Variants in ULK2 observed in about 807,000 individuals in gnomAD.
ULK2 encodes the protein unc-51 like autophagy activating kinase 2.
In ULK2, 76 loss-of-function variants were observed where a neutral mutation model predicts 127.5. That is an observed-to-expected ratio of 0.60 (90% CI 0.50 to 0.72). ULK2 has a LOEUF of 0.72. ULK2 is among the 30% of genes least tolerant of loss of function. The pLI is 0.00. For synonymous variants in ULK2, 452 were observed against 461.9 expected, an observed-to-expected ratio of 0.98 and a Z score of 0.28; for missense variants, 1,144 against 1,295.9, an observed-to-expected ratio of 0.88 and a Z score of 1.80.
rs565123818 is a variant in ULK2 at position 19,784,013 on chromosome 17, G to A, written c.2252-108C>T. 62 of 1,026,868 alleles carry A rather than the reference G, an allele frequency of 6.0e-5. No homozygotes were observed. The South Asian group carries it at 1.1e-3, about 18-fold the overall frequency. 63.6% of individuals were successfully genotyped at this position (1,026,868 alleles called of 1,614,324 possible). ...TGCTGAGGTGACAAAGGAAAGTTTC[G>A]TTAAAAGAAACTCACTGACCCCCTA... is the stretch of plus-strand genomic sequence containing the variant. On this transcript the variant is annotated intron_variant, in intron 21 of 26. Coordinates refer to ENST00000395544, the MANE Select transcript of ULK2 (RefSeq NM_014683.4).
intron 3 of ULK2, among the ~76,000 whole-genome samples, chr17:19,856,367 G>C (rs1467748094): frequency 1.3e-5 from 2 of 151,982 alleles, no homozygotes; most frequent in African/African-American, 4.8e-5. Flanking sequence ...CGGGTCACGA[G>C]GTCAGGAGAT....
At chr17:19,852,801 T>TTTG (rs1169484249) in intron 3 of ULK2, among the ~76,000 whole-genome samples, 15 of 151,308 alleles carry the variant, frequency 9.9e-5, no homozygotes, top group African/African-American at 2.7e-4. Flanking sequence ...TGGCTAGTTT[T>TTTG]TTGTTGTTGT....
At chr17:19,807,813 T>A (rs1359198113) in intron 14 of ULK2, among the ~76,000 whole-genome samples, 1 of 152,150 alleles carries the variant, frequency 6.6e-6, no homozygotes, top group Non-Finnish European at 1.5e-5. Context: ...GCCCCCAAGG[T>A]ACCAGTGCTA....
In ULK2 at chr17:19,796,175, T is replaced by G; in HGVS notation, c.1917A>C (p.Pro639=). Residue 639 remains proline, a synonymous_variant, in exon 19 of 27, where the codon CCA becomes CCC. Transcript: ENST00000395544. The stretch of plus-strand genomic sequence containing the variant: ...CTAAGAGGCAATGGGCACATTCCCG[T>G]GGCTCATTCCCATCTTTCGACTGTT... ...AEEQSKDGNE[P]RECAHCLLVQ... 3 of 1,614,218 alleles carry G rather than the reference T, an allele frequency of 1.9e-6. No individual in the cohort carries two copies. The highest frequency in any genetic ancestry group is 2.5e-6 in the Non-Finnish European group (3 of 1,180,030).
In ULK2 at chr17:19,867,906, C is replaced by CTT. The variant is rs1313952723; in HGVS notation, c.-490_-489insAA. The CTT allele has an allele frequency of 5.3e-5, 8 of 151,174 alleles. No homozygotes were observed. Among genetic ancestry groups the CTT allele is most frequent in the Admixed American group, 4.0e-4 (6 of 15,168 alleles). The allele number at this position is 151,174 out of a possible 1,614,324, so 9.4% of individuals were successfully genotyped here. A position where few individuals can be genotyped will look rare whatever the true frequency, so the allele number is the denominator to read the frequency against. On this transcript the variant is annotated 5_prime_UTR_variant, in exon 1 of 27. Coordinates refer to ENST00000395544, the MANE Select transcript of ULK2 (RefSeq NM_014683.4). ...CCCGCCTCGCGGCGGCGCCCAACGC[C>CTT]CTCGCGCGCGCTACCCGCTCCCGCG...
intron 13 of ULK2, among the ~76,000 whole-genome samples, chr17:19,814,439 T>TATATATATATATATATATA (rs1491246393): frequency 1.0e-4 from 1 of 10,004 alleles, no homozygotes; most frequent in African/African-American, 2.1e-4. Context: ...TATATATATA[T>TATATATATATATATATATA]TTTTTTTTTT....
In ULK2 at chr17:19,797,577, C is replaced by T; in HGVS notation, c.1628G>A (p.Arg543Lys). The T allele has an allele frequency of 1.9e-6, 3 of 1,613,826 alleles. No homozygotes were observed. The highest frequency in any genetic ancestry group is 2.7e-5 in the African/African-American group (2 of 74,954). The part of the protein sequence containing the change: ...TDIYQNKQKL[R>K]KQHSDPVCPS... ...GCACACGGGGTCAGAGTGCTGTTTT[C>T]TGAGCTTCTGCTTGTTCTGATAGAT... The change falls in exon 18 of 27, where the codon AGA becomes AAA. Residue 543 changes from arginine to lysine, a missense_variant. Coordinates refer to ENST00000395544, the MANE Select transcript of ULK2 (RefSeq NM_014683.4).
At chr17:19,830,954 G>C (rs1292438392) in intron 10 of ULK2, among the ~76,000 whole-genome samples, 1 of 150,000 alleles carries the variant, frequency 6.7e-6, no homozygotes, top group African/African-American at 2.5e-5. Context: ...TTGAACCCCG[G>C]AAGTGGAGGT....
intron 10 of ULK2, among the ~76,000 whole-genome samples, chr17:19,828,455 TTG>T (rs2059028852): frequency 6.6e-6 from 1 of 152,180 alleles, no homozygotes; most frequent in Admixed American, 6.5e-5. Context: ...AAGATATAAT[TTG>T]TGATATCAAC....
intron 3 of ULK2, chr17:19,856,314 G>A (rs1216083573): frequency 1.3e-5 from 2 of 152,304 alleles, no homozygotes; most frequent in Non-Finnish European, 2.9e-5. Context: ...CGGGCGCGGT[G>A]GCTCACGCCT....
chr17:19,851,422 G>C (rs566830828), intron 3 of ULK2, among the ~76,000 whole-genome samples: 102 of 150,942 alleles, frequency 6.8e-4, no homozygotes, highest in African/African-American at 2.3e-3. Context: ...CAGATCACCT[G>C]AGGTCTGGAG....
At chr17:19,849,542 T>C (rs1463694477) in intron 4 of ULK2, 137 bp from the exon 5 acceptor site, 1 of 1,001,098 alleles carries the variant, frequency 1.0e-6, no homozygotes, top group African/African-American at 1.7e-5. Context: ...AGATTCAAAA[T>C]TTTTTAAATT....
chr17:19,840,346 C>A, intron 9 of ULK2: 2 of 521,348 alleles, frequency 3.8e-6, no homozygotes, highest in Non-Finnish European at 7.7e-6. Flanking sequence ...GCAAGATCAG[C>A]AAATGTCTAT....
At chr17:19,789,468 AAT>A (rs1339112532) in intron 20 of ULK2, among the ~76,000 whole-genome samples, 1 of 152,198 alleles carries the variant, frequency 6.6e-6, no homozygotes, top group African/African-American at 2.4e-5. Context: ...GACAACAATA[AAT>A]ACCTAACATG....
intron 7 of ULK2, among the ~76,000 whole-genome samples, chr17:19,844,255 T>C (rs2041829759): frequency 6.6e-6 from 1 of 152,162 alleles, no homozygotes; most frequent in Non-Finnish European, 1.5e-5. Flanking sequence ...ATGGAAAATA[T>C]ACTTAAAGAT....
chr17:19,778,709 C>A (rs1196177588), intron 25 of ULK2, among the ~76,000 whole-genome samples: 1 of 152,172 alleles, frequency 6.6e-6, no homozygotes, highest in African/African-American at 2.4e-5. Context: ...CTTGTCTCAG[C>A]CTCCTGAGTA....
chr17:19,866,771 C>T (rs1295839769), intron 1 of ULK2, among the ~76,000 whole-genome samples: 1 of 152,116 alleles, frequency 6.6e-6, no homozygotes, highest in East Asian at 1.9e-4. Context: ...ATGAATTGTC[C>T]AACCACCTTT....
chr17:19,818,248 G>C (rs149483040), intron 12 of ULK2, among the ~76,000 whole-genome samples: 1 of 151,690 alleles, frequency 6.6e-6, no homozygotes, highest in African/African-American at 2.4e-5. Context: ...GTGTAAACCC[G>C]GTAGGCGGAG....
chr17:19,831,950 A>G (rs1387943859), intron 10 of ULK2, among the ~76,000 whole-genome samples: 1 of 152,038 alleles, frequency 6.6e-6, no homozygotes, highest in Non-Finnish European at 1.5e-5. Flanking sequence ...ACATGATGAA[A>G]CCCTGTCTCT....
Sources: allele counts gnomAD v4.1 joint callset (sites outside exome capture counted in the v4.1 genomes callset), GRCh38; gene constraint gnomAD v4.1.1; transcripts MANE v1.5; gene names NCBI Gene and HGNC (gene_info 2026-07-23, HGNC 2026-07-21).